Variants in DOP1A observed in about 807,000 individuals in gnomAD.
DOP1A encodes the protein DOP1 leucine zipper like protein A, also known as protein DOP1A.
Under a neutral mutation model 267.6 loss-of-function variants are expected in DOP1A, and 90 were observed. The observed-to-expected ratio is 0.34, with a 90% CI of 0.28 to 0.40. The LOEUF is 0.40. Ranked by LOEUF, DOP1A falls within the 10% of genes least tolerant of loss-of-function variation. The pLI is 1.00. For missense variants in DOP1A, 2,437 were observed against 2,900.4 expected, an observed-to-expected ratio of 0.84 and a Z score of 3.67; for synonymous variants, 932 against 999.1, an observed-to-expected ratio of 0.93 and a Z score of 1.27.
At chr6:83,101,798 CAG>C (rs1251732108) in intron 4 of DOP1A, among the ~76,000 whole-genome samples, 2 of 152,170 alleles carry the variant, frequency 1.3e-5, no homozygotes, top group African/African-American at 4.8e-5. Context: ...GAGATACCAA[CAG>C]ATAATAAAAC....
chr6:83,123,052 T>C, intron 12 of DOP1A, 70 bp downstream of exon 12: 1 of 1,480,442 alleles, frequency 6.8e-7, no homozygotes, highest in Non-Finnish European at 9.0e-7. Context: ...TTTTAAGTTG[T>C]TACATTTAAT....
chr6:83,144,774 T>TA (rs1425194859), intron 24 of DOP1A, among the ~76,000 whole-genome samples: 5 of 151,812 alleles, frequency 3.3e-5, no homozygotes, highest in Admixed American at 6.6e-5. Flanking sequence ...GAAAAGAACA[T>TA]AAAGAGTTGA....
chr6:83,092,141 T>C (rs1770536920), intron 1 of DOP1A, among the ~76,000 whole-genome samples: 1 of 152,170 alleles, frequency 6.6e-6, no homozygotes, highest in South Asian at 2.1e-4. Flanking sequence ...AGGTATTGCT[T>C]TGTGTGTATG....
intron 15 of DOP1A, among the ~76,000 whole-genome samples, chr6:83,126,559 A>G (rs1015668089): frequency 6.6e-6 from 1 of 152,158 alleles, no homozygotes; most frequent in African/African-American, 2.4e-5. Flanking sequence ...ACATTTAATT[A>G]CAGTTGTGAT....
intron 5 of DOP1A, among the ~76,000 whole-genome samples, chr6:83,109,566 C>T (rs1774196591): frequency 6.6e-6 from 1 of 152,112 alleles, no homozygotes; most frequent in Non-Finnish European, 1.5e-5. Flanking sequence ...TTTTAAGTTG[C>T]TAATGGGAGA....
At chr6:83,107,972 T>G (rs1489226165) in intron 4 of DOP1A, among the ~76,000 whole-genome samples, 1 of 152,194 alleles carries the variant, frequency 6.6e-6, no homozygotes, top group Non-Finnish European at 1.5e-5. Context: ...ACATTGGCAA[T>G]GGGAAATCAG....
Position 83,120,749 on chromosome 6 carries a change from C to G in DOP1A, c.1057C>G (p.Pro353Ala), listed in dbSNP as rs1455426954. Residue 353 changes from proline (P) to alanine (A), a missense_variant, in exon 10 of 39, where the codon CCT becomes GCT. This residue lies in a region of DOP1A where 498 missense variants were observed against 513.5 expected (regional missense o/e 0.97). Transcript: ENST00000349129. ...EENTLMQDLK[P>A]FRILISLLDK... ...GAACACTCTAATGCAGGATCTAAAG[C>G]CTTTTCGCATTTTAATCAGTTTACT... The G allele has an allele frequency of 1.8e-5, 28 of 1,579,680 alleles. No homozygotes were observed. The highest frequency in any genetic ancestry group is 2.3e-5 in the Non-Finnish European group (27 of 1,156,268).
intron 25 of DOP1A, 99 bp downstream of exon 25, chr6:83,145,757 C>T (rs1780547941): frequency 4.3e-6 from 5 of 1,166,304 alleles, no homozygotes; most frequent in Admixed American, 2.4e-5. Context: ...CAATATAGTA[C>T]AGATTGCAGA....
rs1041832059 is a variant in DOP1A, at chr6:83,134,264, A to G, written c.2847A>G (p.Ser949=). The change falls in exon 19 of 39, where the codon TCA becomes TCG. Residue 949 remains serine, a synonymous_variant. Coordinates refer to ENST00000349129, the MANE Select transcript of DOP1A (RefSeq NM_015018.4). The part of the protein sequence containing the change: ...LTRDLHINKS[S]SFVRSFDRSL... ...GAGATCTCCATATAAATAAATCTTC[A>G]TCTTTTGTACGTTCTTTTGACAGGT... 6.2e-7 allele frequency: 1 copy of G among 1,612,054 alleles called. No homozygotes were observed. Among genetic ancestry groups the G allele is most frequent in the Non-Finnish European group, 8.5e-7 (1 of 1,179,056 alleles).
chr6:83,079,666 ATTAAC>A (rs567270766), intron 1 of DOP1A, among the ~76,000 whole-genome samples: 30 of 152,134 alleles, frequency 2.0e-4, no homozygotes, highest in Non-Finnish European at 2.6e-4. Context: ...TAATGATTTG[ATTAAC>A]TTAATATGGG....
intron 7 of DOP1A, among the ~76,000 whole-genome samples, chr6:83,115,693 C>T (rs909439051): frequency 2.0e-5 from 3 of 152,154 alleles, no homozygotes; most frequent in Non-Finnish European, 1.5e-5. Flanking sequence ...CCACTGCACT[C>T]CAGCCTGGCG....
chr6:83,078,907 A>G (rs879384493), intron 1 of DOP1A, among the ~76,000 whole-genome samples: 7 of 152,192 alleles, frequency 4.6e-5, no homozygotes, highest in Admixed American at 2.0e-4. Flanking sequence ...CATGATGAGC[A>G]TTATTAATAT....
chr6:83,068,175 T>C (rs1279011817), intron 1 of DOP1A, among the ~76,000 whole-genome samples: 1 of 152,138 alleles, frequency 6.6e-6, no homozygotes, highest in Non-Finnish European at 1.5e-5. Context: ...GAGTACCCTC[T>C]TTGTTGAAGG....
chr6:83,103,482 T>TA (rs1192539073), intron 4 of DOP1A, among the ~76,000 whole-genome samples: 1 of 152,156 alleles, frequency 6.6e-6, no homozygotes, highest in Non-Finnish European at 1.5e-5. Flanking sequence ...AAAAAACCAT[T>TA]AAAAAAATTT....
chr6:83,158,195 G>A (rs757853895), intron 35 of DOP1A, among the ~76,000 whole-genome samples: 12 of 152,088 alleles, frequency 7.9e-5, no homozygotes, highest in Non-Finnish European at 1.2e-4. Flanking sequence ...TAAAGACGGG[G>A]TTTCAGCATG....
chr6:83,078,409 T>G (rs1175942339), intron 1 of DOP1A, among the ~76,000 whole-genome samples: 1 of 152,176 alleles, frequency 6.6e-6, no homozygotes, highest in African/African-American at 2.4e-5. Flanking sequence ...CTGTGTAAAA[T>G]TAATTGGCTC....
intron 35 of DOP1A, among the ~76,000 whole-genome samples, chr6:83,158,066 T>C (rs1783222797): frequency 6.6e-6 from 1 of 152,100 alleles, no homozygotes; most frequent in Admixed American, 6.6e-5. Context: ...TGGCGAGATC[T>C]CAGCTCACTG....
chr6:83,095,222 C>T (rs79522199), intron 1 of DOP1A, among the ~76,000 whole-genome samples: 3,084 of 152,234 alleles, frequency 0.02, 116 homozygotes, highest in African/African-American at 0.07. Context: ...CGTGAGCCAC[C>T]GTGCCTGGCT....
At chr6:83,162,706 GATCT>G in intron 37 of DOP1A, 80 bp from the exon 38 acceptor site, 1 of 1,435,326 alleles carries the variant, frequency 7.0e-7, no homozygotes, top group South Asian at 1.6e-5. Flanking sequence ...GTGGGGTCAT[GATCT>G]TTCTACTACA....
Sources: gnomAD v4.1 joint callset for allele counts (sites outside exome capture counted in the v4.1 genomes callset) on GRCh38, gnomAD v4.1.1 for gene constraint, gnomAD v4.1.1 regional missense constraint, MANE v1.5 for transcripts, NCBI Gene and HGNC (gene_info 2026-07-23, HGNC 2026-07-21) for gene names.